Variants in SYNE1 observed in about 807,000 individuals in gnomAD.
The protein encoded by SYNE1 is nesprin-1.
In SYNE1, 616 loss-of-function variants were observed where a neutral mutation model predicts 1,111.0. That is an observed-to-expected ratio of 0.55 (90% CI 0.52 to 0.59). SYNE1 has a LOEUF of 0.59. SYNE1 is among the 20% of genes least tolerant of loss of function. The probability of loss-of-function intolerance (pLI) is 0.00; values close to 1 mark genes in which losing one functional copy is unlikely to be tolerated. For synonymous variants in SYNE1, 3,855 were observed against 3,825.8 expected (o/e 1.01, Z -0.28); for missense variants, 10,006 against 10,417.0 (o/e 0.96, Z 1.72).
chr6:152,162,325 T>C (rs1157075828), intron 131 of SYNE1, among the ~76,000 whole-genome samples: 1 of 152,232 alleles, frequency 6.6e-6, no homozygotes, highest in South Asian at 2.1e-4. Context: ...ATGTTGGATG[T>C]CTGTCATCTC....
At chr6:152,211,214 C>G (rs2077470968) in intron 124 of SYNE1, among the ~76,000 whole-genome samples, 1 of 152,160 alleles carries the variant, frequency 6.6e-6, no homozygotes, top group Non-Finnish European at 1.5e-5. Context: ...TCATGCTGAT[C>G]TATTCATTAA....
intron 3 of SYNE1, among the ~76,000 whole-genome samples, chr6:152,569,772 A>G (rs1375687098): frequency 6.6e-6 from 1 of 152,210 alleles, no homozygotes; most frequent in Non-Finnish European, 1.5e-5. Context: ...AGAAGTGTGA[A>G]TTCTTGCACT....
chr6:152,188,299 G>C (rs916762990), intron 128 of SYNE1, among the ~76,000 whole-genome samples: 1 of 152,120 alleles, frequency 6.6e-6, no homozygotes, highest in Non-Finnish European at 1.5e-5. Flanking sequence ...CAAGGCATTT[G>C]GGTCTGTTCT....
At position 152,232,240 on chromosome 6, in the gene SYNE1, C is replaced by T. The variant is rs760706012; in HGVS notation, c.20738G>A (p.Arg6913His). The change falls in exon 113 of 146, where the codon CGC becomes CAC. Residue 6913 changes from arginine to histidine, a missense_variant. This residue lies in a region of SYNE1 where 2,182 missense variants were observed against 2,287.8 expected (regional missense o/e 0.95). Transcript: ENST00000367255. ...HQLQMDKLPS[R>H]HAISEVMSWI... is the part of the protein sequence containing the mutation. ...ACTCATGACTTCAGAAATGGCATGG[C>T]GGGAAGGCAGTTTATCCATCTGGAG... is the stretch of plus-strand genomic sequence containing the variant. 75 of 1,613,792 alleles carry T rather than the reference C, an allele frequency of 4.6e-5. No individual in the cohort carries two copies. Among genetic ancestry groups the T allele is most frequent in the Non-Finnish European group, 6.0e-5 (71 of 1,179,928 alleles).
intron 2 of SYNE1, among the ~76,000 whole-genome samples, chr6:152,634,414 T>G (rs1202836822): frequency 6.6e-6 from 1 of 152,210 alleles, no homozygotes; most frequent in East Asian, 1.9e-4. Context: ...TCCCTTCTAT[T>G]CAAGTCTTTT....
At chr6:152,634,165 G>A (rs560899490) in intron 2 of SYNE1, among the ~76,000 whole-genome samples, 11 of 152,316 alleles carry the variant, frequency 7.2e-5, no homozygotes, top group Admixed American at 1.3e-4. Flanking sequence ...TATAAGCAAT[G>A]CAACTGAATT....
At chr6:152,606,978 C>CTT (rs71017544) in intron 3 of SYNE1, among the ~76,000 whole-genome samples, 738 of 62,142 alleles carry the variant, frequency 0.012, 1 homozygote, top group Non-Finnish European at 0.015. Context: ...CCTCGGTTCT[C>CTT]TTTTTTTTTT....
chr6:152,385,540 A>T, intron 55 of SYNE1, 134 bp downstream of exon 55: 1 of 928,840 alleles, frequency 1.1e-6, no homozygotes, highest in Non-Finnish European at 1.7e-6. Flanking sequence ...GTTTATGTGT[A>T]GAATCAGTGA....
intron 3 of SYNE1, among the ~76,000 whole-genome samples, chr6:152,541,141 T>G (rs2099267528): frequency 6.6e-6 from 1 of 152,182 alleles, no homozygotes; most frequent in African/African-American, 2.4e-5. Context: ...TAGGCTTTAA[T>G]TAGAGGTATA....
chr6:152,485,379 T>C (rs539055540), intron 12 of SYNE1, among the ~76,000 whole-genome samples: 1 of 152,314 alleles, frequency 6.6e-6, no homozygotes, highest in South Asian at 2.1e-4. Flanking sequence ...ATAATCAAGA[T>C]AGTTGCTTTA....
rs778343214 is a variant in SYNE1 at position 152,416,580 on chromosome 6, C to G, written c.5857G>C (p.Asp1953His). The change falls in exon 41 of 146, where the codon GAT (aspartate) becomes CAT (histidine). Residue 1953 changes from aspartate (D) to histidine (H), a missense_variant. Physicochemically the swap from Asp to His is moderately conservative, Grantham distance 81. Coordinates refer to ENST00000367255, the MANE Select transcript of SYNE1 (RefSeq NM_182961.4). Reference protein sequence around the residue: ...EQRTSCRATADQLCGEVERIQ... With the variant: ...EQRTSCRATAHQLCGEVERIQ... ...CTCTCTACCTCTCCACAGAGCTGAT[C>G]AGCCGTGGCTCTGCAGGAAGTCCTT... 13 of 1,613,994 alleles carry G rather than the reference C, an allele frequency of 8.1e-6. No homozygotes were observed. The highest frequency in any genetic ancestry group is 1.3e-5 in the African/African-American group (1 of 74,894).
At chr6:152,147,755 C>A in intron 137 of SYNE1, 1 of 402,980 alleles carries the variant, frequency 2.5e-6, no homozygotes, top group Non-Finnish European at 4.7e-6. Flanking sequence ...TGGTTTCTCA[C>A]TGTGTCCCAC....
Position 152,213,729 on chromosome 6 carries a change from C to A in SYNE1, c.22377G>T (p.Gln7459His). The change falls in exon 123 of 146, where the codon CAG becomes CAT. Residue 7459 changes from glutamine (Q) to histidine (H), a missense_variant. Transcript: ENST00000367255. ...ATGTTTCACATTTTTCCAAGAAAGT[C>A]TGATGTTGTAGCAAAAATGACTGCA... ...SKLQSFLLQHQTFLEKCETWM... is the reference protein window; with the variant it reads ...SKLQSFLLQHHTFLEKCETWM... 6.2e-7 allele frequency: 1 copy of A among 1,614,052 alleles called. No homozygotes were observed. The highest frequency in any genetic ancestry group is 8.5e-7 in the Non-Finnish European group (1 of 1,180,004).
chr6:152,424,919 A>T lies in SYNE1; in HGVS notation c.5267+462T>A, dbSNP rs567172741. Among the ~76,000 whole-genome samples the T allele has an allele frequency of 7.2e-5, 11 of 152,352 alleles. 2 individuals are homozygous for T. Among genetic ancestry groups the T allele is most frequent in the African/African-American group, 2.6e-4 (11 of 41,582 alleles). On this transcript the variant is annotated intron_variant, in intron 39 of 145. Transcript: ENST00000367255. The stretch of plus-strand genomic sequence containing the variant: ...TATAGATGCCAATTGTTAATCACCT[A>T]GTTAATTAAGATTTAATCCATTTTT...
chr6:152,288,567 G>T lies in SYNE1; in HGVS notation c.18013-4395C>A, dbSNP rs545747361. Among the ~76,000 whole-genome samples, 6 of 152,180 alleles carry T rather than the reference G, an allele frequency of 3.9e-5. No individual in the cohort carries two copies. In the East Asian group the frequency reaches 9.6e-4, roughly 24 times the overall value. Reference sequence around the variant, plus strand: ...TTAAATCTTTTTTTAATTTTTTTGGGAGACAGTCTCGCTCTGTCACCCAGG... The same window carrying T: ...TTAAATCTTTTTTTAATTTTTTTGGTAGACAGTCTCGCTCTGTCACCCAGG... On this transcript the variant is annotated intron_variant, in intron 95 of 145. Transcript: ENST00000367255.
At chr6:152,536,466 T>C (rs952113692) in intron 4 of SYNE1, among the ~76,000 whole-genome samples, 16 of 107,154 alleles carry the variant, frequency 1.5e-4, no homozygotes, top group Admixed American at 1.1e-3. Flanking sequence ...TATATATATA[T>C]ACAATATATA....
chr6:152,190,803 T>A (rs1345162737), intron 127 of SYNE1, among the ~76,000 whole-genome samples: 3 of 152,206 alleles, frequency 2.0e-5, no homozygotes. Context: ...CACACATAAG[T>A]GAAAACATGT....
chr6:152,569,440 G>A (rs970762903), intron 3 of SYNE1, among the ~76,000 whole-genome samples: 6 of 152,126 alleles, frequency 3.9e-5, no homozygotes, highest in Admixed American at 6.6e-5. Context: ...TGTTTGAAAA[G>A]CATATGTATC....
chr6:152,157,297 C>A (rs1275650191), intron 131 of SYNE1, among the ~76,000 whole-genome samples: 1 of 152,152 alleles, frequency 6.6e-6, no homozygotes, highest in Non-Finnish European at 1.5e-5. Flanking sequence ...AACCGGAGGT[C>A]ACTATGTTAA....
Sources: allele counts gnomAD v4.1 joint callset (sites outside exome capture counted in the v4.1 genomes callset), GRCh38; gene constraint gnomAD v4.1.1; regional missense constraint gnomAD v4.1.1; transcripts MANE v1.5; gene names NCBI Gene and HGNC (gene_info 2026-07-23, HGNC 2026-07-21).